The following EML6 variants were observed in gnomAD, a reference collection of about 807,000 sequenced individuals.
The protein encoded by EML6 is EMAP like 6, also known as echinoderm microtubule-associated protein-like 6.
EML6 carries 154 observed loss-of-function variants against 240.1 expected under a neutral mutation model. The ratio of observed to expected loss-of-function variants is 0.64; its 90% CI spans 0.56 to 0.73. EML6 has a LOEUF of 0.73. Ranked by LOEUF, EML6 falls within the 30% of genes least tolerant of loss-of-function variation. The pLI, the probability that EML6 is intolerant of heterozygous loss-of-function variation, is 0.00. For synonymous variants in EML6, 1,148 were observed against 899.0 expected, an observed-to-expected ratio of 1.28 and a Z score of -4.95; for missense variants, 2,964 against 2,474.6, an observed-to-expected ratio of 1.20 and a Z score of -4.20.
intron 5 of EML6, among the ~76,000 whole-genome samples, chr2:54,824,820 T>C (rs140396520): frequency 0.011 from 1,684 of 152,190 alleles, 25 homozygotes; most frequent in African/African-American, 0.038. Context: ...CTAACAAAAT[T>C]TGCATTACAG....
chr2:54,901,513 T>C (rs1018398117), intron 22 of EML6, among the ~76,000 whole-genome samples: 9 of 152,210 alleles, frequency 5.9e-5, no homozygotes, highest in African/African-American at 1.9e-4. Context: ...GTTGAACAAC[T>C]ATTGACCCAT....
At chr2:54,785,581 A>G (rs74495630) in intron 2 of EML6, among the ~76,000 whole-genome samples, 5,310 of 152,304 alleles carry the variant, frequency 0.035, 306 homozygotes, top group African/African-American at 0.12. Context: ...TTATGCAGTT[A>G]TGATTTAATA....
intron 2 of EML6, among the ~76,000 whole-genome samples, chr2:54,756,039 G>T (rs1667706622): frequency 2.0e-5 from 3 of 152,080 alleles, no homozygotes; most frequent in Non-Finnish European, 2.9e-5. Context: ...TTGGATCTTG[G>T]CCCTCTTCCT....
intron 28 of EML6, among the ~76,000 whole-genome samples, chr2:54,938,305 CA>C (rs974113337): frequency 6.6e-6 from 1 of 151,756 alleles, no homozygotes; most frequent in African/African-American, 2.4e-5. Flanking sequence ...AACTCCATCT[CA>C]AAAAAAAGTT....
intron 24 of EML6, among the ~76,000 whole-genome samples, chr2:54,906,389 G>C (rs1047200017): frequency 6.6e-6 from 1 of 152,188 alleles, no homozygotes; most frequent in African/African-American, 2.4e-5. Flanking sequence ...GGATGCTGCT[G>C]TGGAGGGGCC....
intron 28 of EML6, among the ~76,000 whole-genome samples, chr2:54,938,432 GC>G: frequency 1.3e-5 from 2 of 152,312 alleles, no homozygotes; most frequent in Middle Eastern, 6.8e-3. Context: ...TCCCTCTCAT[GC>G]CTCAGTGAGA....
At chr2:54,862,361 A>C (rs1403680892) in intron 12 of EML6, among the ~76,000 whole-genome samples, 1 of 150,926 alleles carries the variant, frequency 6.6e-6, no homozygotes, top group African/African-American at 2.4e-5. Context: ...AAAAAAAAAA[A>C]AAAACTTTCT....
intron 17 of EML6, among the ~76,000 whole-genome samples, chr2:54,885,577 T>C (rs1405282144): frequency 6.6e-6 from 1 of 152,194 alleles, no homozygotes; most frequent in Non-Finnish European, 1.5e-5. Flanking sequence ...TGTCCAGTAA[T>C]GTATCCTAGC....
chr2:54,746,857 A>T (rs903004576), intron 2 of EML6, among the ~76,000 whole-genome samples: 1 of 152,240 alleles, frequency 6.6e-6, no homozygotes. Context: ...GAAATGTTAG[A>T]GCAGTACTGT....
chr2:54,844,633 C>G (rs925398334), intron 8 of EML6, among the ~76,000 whole-genome samples: 11 of 152,194 alleles, frequency 7.2e-5, no homozygotes, highest in African/African-American at 1.9e-4. Flanking sequence ...TCTCATTCAT[C>G]ATCATTAGAA....
At chr2:54,742,778 T>C (rs1450583741) in intron 2 of EML6, among the ~76,000 whole-genome samples, 1 of 152,156 alleles carries the variant, frequency 6.6e-6, no homozygotes, top group Non-Finnish European at 1.5e-5. Flanking sequence ...ATAAGGAGCT[T>C]TGCAAAGTGA....
intron 24 of EML6, among the ~76,000 whole-genome samples, chr2:54,908,458 T>C (rs1573120074): frequency 6.6e-6 from 1 of 152,196 alleles, no homozygotes; most frequent in Non-Finnish European, 1.5e-5. Context: ...AAAGTAATAA[T>C]AACAGATGAG....
chr2:54,887,016 A>C (rs1372392936), intron 17 of EML6, among the ~76,000 whole-genome samples: 1 of 152,194 alleles, frequency 6.6e-6, no homozygotes, highest in African/African-American at 2.4e-5. Flanking sequence ...ACTGCTTTTT[A>C]TTATTCCCAT....
chr2:54,857,585 TG>T (rs1670453312), intron 11 of EML6, among the ~76,000 whole-genome samples: 1 of 152,194 alleles, frequency 6.6e-6, no homozygotes, highest in Non-Finnish European at 1.5e-5. Context: ...TGAGAAGTGC[TG>T]TGAAGAAAAA....
intron 2 of EML6, among the ~76,000 whole-genome samples, chr2:54,810,918 C>T (rs1056145148): frequency 3.3e-5 from 5 of 152,142 alleles, no homozygotes; most frequent in Non-Finnish European, 7.3e-5. Flanking sequence ...CATCTTTTCC[C>T]AGGATCAGGC....
chr2:54,916,673 T>A lies in EML6; in HGVS notation c.3499-86T>A, dbSNP rs115927789. On this transcript the variant is annotated intron_variant, in intron 25 of 41. Coordinates refer to ENST00000356458, the MANE Select transcript of EML6 (RefSeq NM_001039753.4). Reference sequence around the variant, plus strand: ...AAATGCCTAACGTTGGCAAAGTAATTTAGAATTACTCAGGTGCAAACTGTT... The same window carrying A: ...AAATGCCTAACGTTGGCAAAGTAATATAGAATTACTCAGGTGCAAACTGTT... The A allele has an allele frequency of 1.5e-3, 1,691 of 1,115,022 alleles. 23 individuals carry two copies. The African/African-American group carries it at 0.024, about 16-fold the overall frequency. The allele number at this position is 1,115,022 out of a possible 1,614,324, so 69.1% of individuals were successfully genotyped here.
chr2:54,948,804 C>T, intron 28 of EML6, 78 bp from the exon 29 acceptor site: 2 of 1,158,360 alleles, frequency 1.7e-6, no homozygotes, highest in Non-Finnish European at 2.5e-6. Flanking sequence ...CGGCACTGGC[C>T]TAGACAGGCC....
intron 28 of EML6, among the ~76,000 whole-genome samples, chr2:54,946,932 A>G (rs1369908785): frequency 2.0e-5 from 3 of 152,188 alleles, no homozygotes; most frequent in Non-Finnish European, 4.4e-5. Flanking sequence ...AGGTGAAAAA[A>G]AAAAGCATCG....
At chr2:54,954,737 A>T (rs1676152616) in intron 32 of EML6, among the ~76,000 whole-genome samples, 1 of 152,170 alleles carries the variant, frequency 6.6e-6, no homozygotes, top group South Asian at 2.1e-4. Flanking sequence ...ATGCACACAC[A>T]CAAGCTGCAA....
Sources: gnomAD v4.1 joint callset for allele counts (sites outside exome capture counted in the v4.1 genomes callset) on GRCh38, gnomAD v4.1.1 for gene constraint, MANE v1.5 for transcripts, NCBI Gene and HGNC (gene_info 2026-07-23, HGNC 2026-07-21) for gene names.